RANBP2: variants seen among roughly 807,000 people sequenced by gnomAD.
RANBP2 encodes E3 SUMO-protein ligase RanBP2.
RANBP2 carries 57 observed loss-of-function variants against 303.6 expected under a neutral mutation model. The ratio of observed to expected loss-of-function variants is 0.19; its 90% CI spans 0.15 to 0.23. The LOEUF (loss-of-function observed/expected upper bound fraction) is 0.23, where lower values mean the gene tolerates loss of function less well. Among genes scored for constraint, RANBP2 ranks in the 10% least tolerant of loss-of-function variants. RANBP2 has a pLI of 1.00. For synonymous variants in RANBP2, 1,167 were observed against 1,301.5 expected, an observed-to-expected ratio of 0.90 and a Z score of 2.23; for missense variants, 3,138 against 3,780.8, an observed-to-expected ratio of 0.83 and a Z score of 4.46.
At chr2:109,156,311 T>C in the RANBP2 span, among the ~76,000 whole-genome samples, 1 of 152,234 alleles carries the variant, frequency 6.6e-6, no homozygotes, top group Non-Finnish European at 1.5e-5. Context: ...TCTCCGCCCC[T>C]CGCATCTTCC....
the RANBP2 span, among the ~76,000 whole-genome samples, chr2:109,392,001 A>G: frequency 6.6e-6 from 1 of 152,058 alleles, no homozygotes; most frequent in Non-Finnish European, 1.5e-5. Flanking sequence ...TTTTTTACAG[A>G]GACTGGGTCT....
At chr2:109,501,349 T>G in the RANBP2 span, among the ~76,000 whole-genome samples, 1 of 152,038 alleles carries the variant, frequency 6.6e-6, no homozygotes, top group African/African-American at 2.4e-5. Context: ...TTTCCAGAGT[T>G]TTGAAAAAAT....
At chr2:108,833,850 C>G in the RANBP2 span, among the ~76,000 whole-genome samples, 1 of 150,102 alleles carries the variant, frequency 6.7e-6, no homozygotes, top group Non-Finnish European at 1.5e-5. Flanking sequence ...GCCTCAGCCT[C>G]CCGAGTAGCT....
At chr2:109,270,189 TG>T in the RANBP2 span, among the ~76,000 whole-genome samples, 1 of 152,026 alleles carries the variant, frequency 6.6e-6, no homozygotes, top group Admixed American at 6.5e-5. Context: ...ATCAGCAAAT[TG>T]GGGCAGCATG....
the RANBP2 span, among the ~76,000 whole-genome samples, chr2:109,633,148 T>C: frequency 6.6e-6 from 1 of 152,016 alleles, no homozygotes; most frequent in Middle Eastern, 3.2e-3. Context: ...TCCCAGAACT[T>C]TGGGAGGCCA....
chr2:108,793,640 A>C, the RANBP2 span, among the ~76,000 whole-genome samples: 1 of 150,930 alleles, frequency 6.6e-6, no homozygotes, highest in Non-Finnish European at 1.5e-5. Context: ...TCTGTCGCCC[A>C]GGCTGGAGTG....
the RANBP2 span, among the ~76,000 whole-genome samples, chr2:108,816,829 G>T: frequency 2.6e-5 from 4 of 152,220 alleles, no homozygotes; most frequent in South Asian, 8.3e-4. Flanking sequence ...TTTGAGTAGG[G>T]TCTACAGGTA....
At chr2:109,443,064 A>G in the RANBP2 span, among the ~76,000 whole-genome samples, 12 of 152,398 alleles carry the variant, frequency 7.9e-5, no homozygotes, top group East Asian at 1.3e-3. Flanking sequence ...GTTACATTCT[A>G]TGAAGTTATC....
At chr2:108,780,176 TTTTTTTTTTTTCCTTTTTTTCC>T (rs2149325062) in intron 25 of RANBP2, among the ~76,000 whole-genome samples, 2 of 136,070 alleles carry the variant, frequency 1.5e-5, no homozygotes, top group South Asian at 4.4e-4. Flanking sequence ...ATTTACTAGC[TTTTTTTTTTTTCCTTTTTTTCC>T]TTTTTTTTTT....
chr2:108,725,709 G>A (rs553570367), intron 1 of RANBP2, among the ~76,000 whole-genome samples: 3 of 150,096 alleles, frequency 2.0e-5, no homozygotes, highest in South Asian at 2.1e-4. Flanking sequence ...GCAGCCTGGC[G>A]ACAGAGCAAG....
chr2:109,358,805 A>G, the RANBP2 span, among the ~76,000 whole-genome samples: 1 of 152,182 alleles, frequency 6.6e-6, no homozygotes, highest in African/African-American at 2.4e-5. Flanking sequence ...TAACTTATCA[A>G]TTCTTTCTTT....
chr2:109,618,228 ACTTGTAT>A, the RANBP2 span: 3 of 166,770 alleles, frequency 1.8e-5, no homozygotes, highest in African/African-American at 7.2e-5. Context: ...TATACATATT[ACTTGTAT>A]CTAGTGCAGA....
chr2:108,981,015 C>T, the RANBP2 span, among the ~76,000 whole-genome samples: 6 of 152,168 alleles, frequency 3.9e-5, no homozygotes, highest in Admixed American at 1.3e-4. Context: ...TGAGCTGACC[C>T]GTTAAACTCA....
chr2:109,193,690 T>C, the RANBP2 span, among the ~76,000 whole-genome samples: 377 of 152,338 alleles, frequency 2.5e-3, 2 homozygotes, highest in African/African-American at 8.1e-3. Context: ...CATTTAATGA[T>C]GGTCTAGAAA....
chr2:108,958,113 C>T, the RANBP2 span, among the ~76,000 whole-genome samples: 1 of 152,182 alleles, frequency 6.6e-6, no homozygotes, highest in African/African-American at 2.4e-5. Context: ...AACGCACACA[C>T]CCCTGCACTT....
chr2:109,472,366 G>A, the RANBP2 span, among the ~76,000 whole-genome samples: 2 of 151,956 alleles, frequency 1.3e-5, no homozygotes, highest in Admixed American at 6.5e-5. Flanking sequence ...GTGCATGCAG[G>A]GTGTCCTGGA....
At chr2:109,715,504 G>A in the RANBP2 span, among the ~76,000 whole-genome samples, 1 of 152,138 alleles carries the variant, frequency 6.6e-6, no homozygotes, top group Non-Finnish European at 1.5e-5. Flanking sequence ...ACAGCCAGAT[G>A]AAGAGGTGCA....
the RANBP2 span, among the ~76,000 whole-genome samples, chr2:109,057,526 A>G: frequency 3.9e-5 from 6 of 152,228 alleles, no homozygotes; most frequent in African/African-American, 1.4e-4. Context: ...TCAGATTTCT[A>G]TAGTGTCTCT....
In RANBP2 at chr2:108,764,566, A is replaced by T. The variant is rs1166902361; in HGVS notation, c.4027A>T (p.Asn1343Tyr). ...TTGCAAATCTGATGCTGGAAACCTG[A>T]ATTTTGAATTTCAGGTTGCAAAGAA... is the stretch of plus-strand genomic sequence containing the variant. ...DICKSDAGNL[N>Y]FEFQVAKKEG... Residue 1343 changes from asparagine (N) to tyrosine (Y), a missense_variant, in exon 20 of 29, where the codon AAT (asparagine) becomes TAT (tyrosine). This residue lies in a region of RANBP2 where 388 missense variants were observed against 328.5 expected (regional missense o/e 1.18). Coordinates refer to ENST00000283195, the MANE Select transcript of RANBP2 (RefSeq NM_006267.5). 6 of 1,613,890 alleles carry T rather than the reference A, an allele frequency of 3.7e-6. No individual in the cohort carries two copies. The highest frequency in any genetic ancestry group is 5.1e-6 in the Non-Finnish European group (6 of 1,179,978).
Sources: gnomAD v4.1 joint callset for allele counts (sites outside exome capture counted in the v4.1 genomes callset) on GRCh38, gnomAD v4.1.1 for gene constraint, gnomAD v4.1.1 regional missense constraint, MANE v1.5 for transcripts, NCBI Gene and HGNC (gene_info 2026-07-23, HGNC 2026-07-21) for gene names.